Variants in RP1 observed in about 807,000 individuals in gnomAD.
The protein encoded by RP1 is oxygen-regulated protein 1.
RP1 carries 16 observed loss-of-function variants against 14.8 expected under a neutral mutation model. The observed-to-expected ratio is 1.08, with a 90% confidence interval of 0.73 to 1.65. The LOEUF is 1.65. Among genes scored for constraint, RP1 ranks in the 40% most tolerant of loss-of-function variants. The pLI is 0.00. For missense variants in RP1, 2,631 were observed against 2,535.0 expected, an observed-to-expected ratio of 1.04 and a Z score of -0.81; for synonymous variants, 876 against 883.6, an observed-to-expected ratio of 0.99 and a Z score of 0.15.
intron 3 of RP1, among the ~76,000 whole-genome samples, chr8:54,642,583 T>C (rs748796637): frequency 1.3e-5 from 2 of 152,154 alleles, no homozygotes; most frequent in Non-Finnish European, 2.9e-5. Flanking sequence ...TAGTTGTGTG[T>C]TGCACTGAGT....
chr8:54,601,397 G>A lies in RP1; in HGVS notation c.-12-19558G>A, dbSNP rs1000717593. 5.8e-4 allele frequency among the ~76,000 whole-genome samples: 78 copies of A among 133,882 alleles called. 2 individuals carry two copies. The highest frequency in any genetic ancestry group is 7.2e-4 in the Non-Finnish European group (46 of 64,116). The allele number at this position is 133,882 out of a possible 152,430, so 87.8% of individuals were successfully genotyped here. A position where few individuals can be genotyped will look rare whatever the true frequency, so the allele number is the denominator to read the frequency against. ...TGGGAACACATGGACACAGGAGGGG[G>A]AACATTACACTCTGGGGACTGTTGT... is the stretch of plus-strand genomic sequence containing the variant. On this transcript the variant is annotated intron_variant, in intron 1 of 22. Coordinates refer to the RP1 transcript ENST00000636932.
At chr8:54,830,392 A>T (rs889735576) in intron 24 of RP1, among the ~76,000 whole-genome samples, 26 of 151,754 alleles carry the variant, frequency 1.7e-4, no homozygotes, top group African/African-American at 6.3e-4. Flanking sequence ...TTAACTCGTC[A>T]TTTACATTAG....
Position 54,629,767 on chromosome 8 carries a change from C to T in RP1, c.5885C>T (p.Thr1962Ile). The T allele has an allele frequency of 6.2e-7, 1 of 1,608,240 alleles. No homozygotes were observed. Among genetic ancestry groups the T allele is most frequent in the South Asian group, 1.1e-5 (1 of 90,046 alleles). Residue 1962 changes from threonine (T) to isoleucine (I), a missense_variant, in exon 4 of 4, where the codon ACA becomes ATA. Physicochemically the swap from Thr to Ile is moderately conservative, Grantham distance 89. Transcript: ENST00000220676. ...AAAATACACCCATATTTACTTCAGA[C>T]AGACAAAAATGTGTTCAGGGAAGAG... Reference protein sequence around the residue: ...WMKIHPYLLQTDKNVFREENN... With the variant: ...WMKIHPYLLQIDKNVFREENN...
chr8:54,844,529 T>C (rs1811867125), intron 25 of RP1, among the ~76,000 whole-genome samples: 2 of 152,034 alleles, frequency 1.3e-5, no homozygotes, highest in Non-Finnish European at 2.9e-5. Context: ...TGTGTGTGCG[T>C]GTGTAGACAA....
chr8:54,760,523 G>A (rs1175979593), intron 22 of RP1, among the ~76,000 whole-genome samples: 2 of 152,134 alleles, frequency 1.3e-5, no homozygotes, highest in Admixed American at 6.5e-5. Context: ...TGTTCTAAAA[G>A]CTATATTTTA....
chr8:54,693,947 G>C (rs199801657), intron 12 of RP1, among the ~76,000 whole-genome samples: 6 of 151,926 alleles, frequency 3.9e-5, no homozygotes, highest in African/African-American at 4.8e-5. Flanking sequence ...ATGATATTGG[G>C]TGTGGGTTTG....
chr8:54,732,499 CA>C (rs1337419265), intron 17 of RP1, among the ~76,000 whole-genome samples: 1 of 152,078 alleles, frequency 6.6e-6, no homozygotes, highest in African/African-American at 2.4e-5. Flanking sequence ...ACACAATGCC[CA>C]GCAAATAATA....
chr8:54,718,924 A>G (rs527275675), intron 15 of RP1, among the ~76,000 whole-genome samples: 13 of 152,310 alleles, frequency 8.5e-5, no homozygotes, highest in African/African-American at 2.9e-4. Context: ...CAGATACAAG[A>G]CATTATAGAT....
Position 54,626,250 on chromosome 8 carries a change from C to A in RP1, c.2368C>A (p.Pro790Thr). ...ACTAAATAAAATAAGCTTAGGAGCA[C>A]CTAAAAAAAGAGAAATCGGTCAAAG... ...RSLNKISLGA[P>T]KKREIGQRDK... The change falls in exon 4 of 4, where the codon CCT becomes ACT. Residue 790 changes from proline (P) to threonine (T), a missense_variant. Transcript: ENST00000220676. 1 of 1,613,000 alleles carries A rather than the reference C, an allele frequency of 6.2e-7. No individual in the cohort carries two copies. The highest frequency in any genetic ancestry group is 1.1e-5 in the South Asian group (1 of 90,958).
exon 9 of RP1, chr8:54,678,521 C>T (rs1329503150): frequency 5.9e-6 from 9 of 1,533,400 alleles, no homozygotes; most frequent in South Asian, 3.6e-5. Context: ...TACGAATATG[C>T]CTTCTTCTGT....
rs779904310 is a variant in RP1, at chr8:54,621,423, C to G, written c.457C>G (p.Pro153Ala). Reference protein sequence around the residue: ...AVAAPGMPRPPRSLVVFRNGD... With the variant: ...AVAAPGMPRPARSLVVFRNGD... The stretch of plus-strand genomic sequence containing the variant: ...CGCTGCTCCCGGCATGCCCCGCCCC[C>G]CACGGAGCCTAGTGGTCTTCAGGAA... The change falls in exon 2 of 4, where the codon CCA becomes GCA. Residue 153 changes from proline to alanine, a missense_variant. Transcript: ENST00000220676. 8 of 1,613,564 alleles carry G rather than the reference C, an allele frequency of 5.0e-6. 1 individual carries two copies. The highest frequency in any genetic ancestry group is 1.3e-5 in the African/African-American group (1 of 74,920).
At chr8:54,823,740 T>C (rs1811314297) in intron 24 of RP1, among the ~76,000 whole-genome samples, 1 of 152,224 alleles carries the variant, frequency 6.6e-6, no homozygotes, top group Non-Finnish European at 1.5e-5. Flanking sequence ...TTGGGGCTGT[T>C]ATAAATAAAG....
intron 1 of RP1, among the ~76,000 whole-genome samples, chr8:54,601,135 A>C (rs1387801248): frequency 6.6e-6 from 1 of 152,196 alleles, no homozygotes; most frequent in Non-Finnish European, 1.5e-5. Context: ...GACTTACATG[A>C]CCTACAAGTA....
chr8:54,587,777 CTT>C (rs997979646), intron 1 of RP1, among the ~76,000 whole-genome samples: 5 of 152,144 alleles, frequency 3.3e-5, no homozygotes, highest in Non-Finnish European at 7.4e-5. Context: ...GAACTGATGA[CTT>C]TTTCTATTTC....
chr8:54,848,395 T>G (rs755509876), intron 25 of RP1, among the ~76,000 whole-genome samples: 1 of 152,116 alleles, frequency 6.6e-6, no homozygotes, highest in Non-Finnish European at 1.5e-5. Flanking sequence ...AGAGATAAAC[T>G]TCAGGTGTCT....
chr8:54,585,972 C>T (rs539841356), intron 1 of RP1, among the ~76,000 whole-genome samples: 67 of 152,278 alleles, frequency 4.4e-4, no homozygotes, highest in African/African-American at 1.3e-3. Context: ...GTAGTTTGAT[C>T]GTCTGAAGCC....
At chr8:54,731,359 G>A (rs574771856) in intron 17 of RP1, among the ~76,000 whole-genome samples, 1 of 152,058 alleles carries the variant, frequency 6.6e-6, no homozygotes, top group African/African-American at 2.4e-5. Context: ...CAGGGTGACC[G>A]AGAAGGAGTC....
chr8:54,664,743 A>C (rs1009644678), intron 7 of RP1, among the ~76,000 whole-genome samples: 4 of 152,160 alleles, frequency 2.6e-5, no homozygotes, highest in African/African-American at 9.7e-5. Flanking sequence ...ATTTGTAGGA[A>C]TAGAAAACCA....
intron 15 of RP1, chr8:54,720,062 G>T (rs1414971081): frequency 1.3e-5 from 16 of 1,223,040 alleles, no homozygotes; most frequent in South Asian, 1.7e-5. Context: ...CTTTTAAAAC[G>T]ACTGGTTTTA....
Sources: allele counts gnomAD v4.1 joint callset (sites outside exome capture counted in the v4.1 genomes callset), GRCh38; gene constraint gnomAD v4.1.1; transcripts MANE v1.5; gene names NCBI Gene and HGNC (gene_info 2026-07-23, HGNC 2026-07-21).